GPC3: variants seen among roughly 807,000 people sequenced by gnomAD.
GPC3 encodes glypican-3.
GPC3 carries 3 observed loss-of-function variants against 34.4 expected under a neutral mutation model. The observed-to-expected ratio is 0.09, with a 90% CI of 0.04 to 0.23. The LOEUF is 0.23. GPC3 is among the 10% of genes least tolerant of loss of function. GPC3 has a pLI of 1.00. For missense variants in GPC3, 351 were observed against 445.6 expected, an observed-to-expected ratio of 0.79 and a Z score of 1.91; for synonymous variants, 177 against 174.0, an observed-to-expected ratio of 1.02 and a Z score of -0.13.
intron 2 of GPC3, among the ~76,000 whole-genome samples, chrX:133,768,054 A>C (rs1339499299): frequency 9.0e-6 from 1 of 110,868 alleles, no homozygotes; most frequent in African/African-American, 3.3e-5. Context: ...TGAAGTTCTT[A>C]GTCTAGCTGG....
chrX:133,727,569 T>C (rs960330920), intron 3 of GPC3, among the ~76,000 whole-genome samples: 3 of 110,463 alleles, frequency 2.7e-5, no homozygotes, highest in African/African-American at 1.0e-4. Context: ...AAAAGTGATA[T>C]GTGGCAACTT....
chrX:133,926,009 C>A (rs908918845), intron 2 of GPC3, among the ~76,000 whole-genome samples: 2 of 111,304 alleles, frequency 1.8e-5, no homozygotes, highest in African/African-American at 6.5e-5. Context: ...GAGGTTTTCA[C>A]TCCAAAACCA....
At chrX:133,931,273 G>A (rs1032152973) in intron 2 of GPC3, among the ~76,000 whole-genome samples, 1 of 111,846 alleles carries the variant, frequency 8.9e-6, no homozygotes, top group Non-Finnish European at 1.9e-5. Context: ...CACAAAGGAG[G>A]GTAACCTAAT....
At chrX:133,579,314 C>T (rs1385969517) in intron 7 of GPC3, among the ~76,000 whole-genome samples, 1 of 112,077 alleles carries the variant, frequency 8.9e-6, no homozygotes, top group Admixed American at 9.4e-5. Context: ...CCCACCACCC[C>T]CCAAGACCCC....
At position 133,896,736 on chromosome X, in the gene GPC3, C is replaced by A. The variant is rs950295989; in HGVS notation, c.337+56314G>T. On this transcript the variant is annotated intron_variant, in intron 2 of 7. Coordinates refer to ENST00000370818, the MANE Select transcript of GPC3 (RefSeq NM_004484.4). ...ATCTACTAAATGTCAGGCATTTCCA[C>A]ACAAATGATCTCATTTGTTCTTGAC... Among the ~76,000 whole-genome samples, 3 of 110,885 alleles carry A rather than the reference C, an allele frequency of 2.7e-5. No individual in the cohort carries two copies. In the East Asian group the frequency reaches 8.5e-4, roughly 31 times the overall value.
intron 2 of GPC3, among the ~76,000 whole-genome samples, chrX:133,817,915 A>G (rs1220926427): frequency 9.0e-6 from 1 of 111,143 alleles, no homozygotes; most frequent in African/African-American, 3.3e-5. Flanking sequence ...AAATTATAAA[A>G]TGATATCCTA....
intron 6 of GPC3, among the ~76,000 whole-genome samples, chrX:133,638,729 G>A (rs1326686383): frequency 9.2e-6 from 1 of 108,838 alleles, no homozygotes; most frequent in Non-Finnish European, 1.9e-5. Flanking sequence ...AATCAGGGGT[G>A]TACAATCTTT....
chrX:133,550,310 C>A (rs1476975624), intron 7 of GPC3, among the ~76,000 whole-genome samples: 1 of 110,967 alleles, frequency 9.0e-6, no homozygotes, highest in Admixed American at 9.6e-5. Context: ...CCACTGTGAC[C>A]GGCCCCACAA....
chrX:133,581,229 G>A (rs184548947), intron 7 of GPC3, among the ~76,000 whole-genome samples: 1 of 112,140 alleles, frequency 8.9e-6, no homozygotes. Flanking sequence ...AAGTTTTGAG[G>A]AAAAAAGTTT....
At chrX:133,580,677 CTA>C (rs1426400508) in intron 7 of GPC3, among the ~76,000 whole-genome samples, 1 of 112,167 alleles carries the variant, frequency 8.9e-6, no homozygotes, top group African/African-American at 3.2e-5. Flanking sequence ...TCTTCTAGTG[CTA>C]TGTGTCACAG....
chrX:133,707,290 A>T (rs1246986066), intron 3 of GPC3, among the ~76,000 whole-genome samples: 1 of 111,427 alleles, frequency 9.0e-6, no homozygotes, highest in African/African-American at 3.3e-5. Context: ...GACCATCCAT[A>T]CCCCAAACCT....
At chrX:133,541,712 G>C (rs746175883) in intron 7 of GPC3, among the ~76,000 whole-genome samples, 2 of 111,475 alleles carry the variant, frequency 1.8e-5, no homozygotes, top group South Asian at 7.7e-4. Context: ...TTTCTGTATT[G>C]AGAAAAGCAA....
At chrX:133,840,072 T>C (rs2075817353) in intron 2 of GPC3, among the ~76,000 whole-genome samples, 1 of 111,178 alleles carries the variant, frequency 9.0e-6, no homozygotes, top group South Asian at 3.9e-4. Context: ...GCCTAGATTC[T>C]AGTTCGAGCT....
chrX:133,855,408 C>T (rs1398436192), intron 2 of GPC3, among the ~76,000 whole-genome samples: 1 of 109,632 alleles, frequency 9.1e-6, no homozygotes, highest in Non-Finnish European at 1.9e-5. Flanking sequence ...TCAAGCGATC[C>T]GCCCACCTCA....
chrX:133,804,848 T>A (rs775159176), intron 2 of GPC3, among the ~76,000 whole-genome samples: 1 of 111,269 alleles, frequency 9.0e-6, no homozygotes, highest in Non-Finnish European at 1.9e-5. Flanking sequence ...TTAAAAAAAA[T>A]AGTAAAAATA....
At chrX:133,859,983 C>T (rs1292110722) in intron 2 of GPC3, among the ~76,000 whole-genome samples, 3 of 110,525 alleles carry the variant, frequency 2.7e-5, no homozygotes, top group Admixed American at 9.6e-5. Context: ...GGTGGTGCCA[C>T]GCTCTTTTTA....
chrX:133,557,694 G>T (rs778638682), intron 7 of GPC3, among the ~76,000 whole-genome samples: 3 of 111,709 alleles, frequency 2.7e-5, no homozygotes, highest in Non-Finnish European at 5.6e-5. Context: ...ATCTTTTGAG[G>T]AAGTGCTAAA....
At chrX:133,596,401 C>A (rs1485631181) in intron 7 of GPC3, 39 bp downstream of exon 7, 1 of 1,155,086 alleles carries the variant, frequency 8.7e-7, no homozygotes, top group African/African-American at 1.8e-5. Context: ...TGAGCATCAC[C>A]ATTTTTAGAT....
At chrX:133,682,160 G>A (rs1194004915) in intron 5 of GPC3, among the ~76,000 whole-genome samples, 2 of 111,242 alleles carry the variant, frequency 1.8e-5, no homozygotes, top group Non-Finnish European at 3.8e-5. Context: ...GAGGCAGGAG[G>A]ATCGCTTAAA....
Sources: allele counts gnomAD v4.1 joint callset (sites outside exome capture counted in the v4.1 genomes callset), GRCh38; gene constraint gnomAD v4.1.1; transcripts MANE v1.5; gene names NCBI Gene and HGNC (gene_info 2026-07-23, HGNC 2026-07-21).